ZFHX3: variants seen among roughly 807,000 people sequenced by gnomAD.
The protein encoded by ZFHX3 is zinc finger homeobox 3, also known as zinc finger homeobox protein 3.
In ZFHX3, 42 loss-of-function variants were observed where a neutral mutation model predicts 279.1. The observed-to-expected ratio is 0.15, with a 90% CI of 0.12 to 0.19. ZFHX3 has a LOEUF of 0.19. Ranked by LOEUF, ZFHX3 falls within the 10% of genes least tolerant of loss-of-function variation. The probability of loss-of-function intolerance (pLI) is 1.00; values close to 1 mark genes in which losing one functional copy is unlikely to be tolerated. For synonymous variants in ZFHX3, 2,293 were observed against 1,957.8 expected (o/e 1.17, Z -4.52); for missense variants, 4,981 against 4,754.0 (o/e 1.05, Z -1.40).
At chr16:73,452,815 T>C (rs1401353233) in intron 3 of ZFHX3, among the ~76,000 whole-genome samples, 2 of 152,222 alleles carry the variant, frequency 1.3e-5, no homozygotes, top group African/African-American at 4.8e-5. Flanking sequence ...GTACTGAAGT[T>C]ATTACAAAGT....
rs1268477918 is a variant in ZFHX3, at chr16:72,855,340, T to A, written c.3449-25481A>T. Among the ~76,000 whole-genome samples, 4 of 152,312 alleles carry A rather than the reference T, an allele frequency of 2.6e-5. No individual in the cohort carries two copies. The East Asian group carries it at 7.7e-4, about 29-fold the overall frequency. On this transcript the variant is annotated intron_variant, in intron 4 of 9. Transcript: ENST00000268489. ...GCGTGCACGCGTGTGAAACAGTGTG[T>A]GTGTGAGAGCATGAGTGAATGCATT...
chr16:73,019,451 T>C (rs1327093497), intron 1 of ZFHX3, among the ~76,000 whole-genome samples: 1 of 152,134 alleles, frequency 6.6e-6, no homozygotes, highest in Non-Finnish European at 1.5e-5. Flanking sequence ...TTCCACCAAG[T>C]GTGAACACAC....
intron 2 of ZFHX3, among the ~76,000 whole-genome samples, chr16:73,674,493 T>C (rs9936066): frequency 3.9e-5 from 6 of 152,300 alleles, no homozygotes; most frequent in African/African-American, 1.4e-4. Context: ...CAGTCAAGAA[T>C]AGACAACACT....
chr16:73,400,695 A>C (rs1405928466), intron 3 of ZFHX3: 2 of 151,572 alleles, frequency 1.3e-5, no homozygotes, highest in Non-Finnish European at 2.9e-5. Flanking sequence ...GATAGAAAAA[A>C]ACAAACAAAC....
intron 7 of ZFHX3, among the ~76,000 whole-genome samples, chr16:73,119,684 T>G (rs1966473714): frequency 6.6e-6 from 1 of 152,168 alleles, no homozygotes; most frequent in African/African-American, 2.4e-5. Flanking sequence ...ACTTCATGTA[T>G]TTTATTTTAC....
chr16:73,104,148 C>T (rs1486523675), intron 7 of ZFHX3, among the ~76,000 whole-genome samples: 5 of 152,188 alleles, frequency 3.3e-5, no homozygotes, highest in African/African-American at 1.2e-4. Flanking sequence ...GAGGCCATAG[C>T]CACAATCATC....
rs576901877 is a variant in ZFHX3, at chr16:73,736,343, A to G, written c.-1607-56103T>C. 2.6e-5 allele frequency among the ~76,000 whole-genome samples: 4 copies of G among 152,268 alleles called. No homozygotes were observed. In the South Asian group the frequency reaches 8.3e-4, roughly 32 times the overall value. On this transcript the variant is annotated intron_variant, in intron 1 of 17. Coordinates refer to the ZFHX3 transcript ENST00000641206. Reference sequence around the variant, plus strand: ...AAACTTCCAGCTCCCACAATCATGGAAGGTCTACTCTCTGCAACAAATCCG... The same window carrying G: ...AAACTTCCAGCTCCCACAATCATGGGAGGTCTACTCTCTGCAACAAATCCG...
intron 1 of ZFHX3, among the ~76,000 whole-genome samples, chr16:72,969,620 A>T (rs1198187183): frequency 1.3e-5 from 2 of 151,832 alleles, no homozygotes; most frequent in Non-Finnish European, 2.9e-5. Context: ...CCCCTCACTA[A>T]CCCCACCTCC....
intron 4 of ZFHX3, among the ~76,000 whole-genome samples, chr16:73,299,129 T>C (rs897041615): frequency 5.9e-5 from 9 of 152,080 alleles, no homozygotes; most frequent in Admixed American, 4.6e-4. Flanking sequence ...GCCCCTAGAG[T>C]CACATACAGC....
chr16:73,636,621 C>T (rs771922819), intron 2 of ZFHX3, among the ~76,000 whole-genome samples: 5 of 151,816 alleles, frequency 3.3e-5, no homozygotes, highest in Non-Finnish European at 7.4e-5. Flanking sequence ...TTAGCAATAA[C>T]CAGTTCAAAA....
At chr16:73,491,139 T>G (rs1369260823) in intron 2 of ZFHX3, among the ~76,000 whole-genome samples, 4 of 152,214 alleles carry the variant, frequency 2.6e-5, no homozygotes, top group African/African-American at 9.6e-5. Flanking sequence ...AATAAACCCC[T>G]AAATCTCAGT....
chr16:72,818,330 T>G (rs1479068444), intron 5 of ZFHX3, among the ~76,000 whole-genome samples: 1 of 152,182 alleles, frequency 6.6e-6, no homozygotes. Context: ...TGATCTGACT[T>G]TCATTGAAAG....
chr16:73,343,606 A>G (rs2016074729), intron 3 of ZFHX3, among the ~76,000 whole-genome samples: 1 of 152,098 alleles, frequency 6.6e-6, no homozygotes, highest in South Asian at 2.1e-4. Context: ...CCTATCTGTA[A>G]TCTTGGCTAC....
In ZFHX3 at chr16:73,481,627, GTTGT is replaced by G. The variant is rs752232126; in HGVS notation, c.-1546-25373_-1546-25370del. On this transcript the variant is annotated intron_variant, in intron 2 of 17. Coordinates refer to the ZFHX3 transcript ENST00000641206. The stretch of plus-strand genomic sequence containing the variant: ...ATGTGCGTGGTGTTGTTTTTTTGTT[GTTGT>G]TTGTTTGTTTGTTTGTTTTTGTTTG... Among the ~76,000 whole-genome samples, 605 of 148,114 alleles carry G rather than the reference GTTGT, an allele frequency of 4.1e-3. 2 individuals carry two copies. Among genetic ancestry groups the G allele is most frequent in the African/African-American group, 0.012 (480 of 39,068 alleles).
At chr16:72,832,882 C>A (rs922335286) in intron 4 of ZFHX3, among the ~76,000 whole-genome samples, 2 of 152,240 alleles carry the variant, frequency 1.3e-5, no homozygotes, top group Non-Finnish European at 2.9e-5. Context: ...CATTCATAAG[C>A]AGTTACACCA....
intron 5 of ZFHX3, among the ~76,000 whole-genome samples, chr16:73,203,983 AC>A (rs1330221820): frequency 6.6e-6 from 1 of 152,160 alleles, no homozygotes; most frequent in African/African-American, 2.4e-5. Flanking sequence ...AGCCAAAATT[AC>A]TTTGAACTCT....
chr16:73,108,856 C>T (rs373759390), intron 7 of ZFHX3, among the ~76,000 whole-genome samples: 1 of 152,384 alleles, frequency 6.6e-6, no homozygotes, highest in South Asian at 2.1e-4. Flanking sequence ...AGTAATGACC[C>T]TGCCTGCCCT....
At chr16:73,327,205 T>C (rs2015707812) in intron 3 of ZFHX3, among the ~76,000 whole-genome samples, 1 of 152,242 alleles carries the variant, frequency 6.6e-6, no homozygotes, top group African/African-American at 2.4e-5. Context: ...GTGTATGCTC[T>C]ACATTCCTCT....
chr16:73,302,764 C>A (rs1052513333), intron 4 of ZFHX3, among the ~76,000 whole-genome samples: 3 of 152,188 alleles, frequency 2.0e-5, no homozygotes, highest in African/African-American at 7.2e-5. Context: ...ACCATCTGAG[C>A]AGTGGCATTC....
Sources: gnomAD v4.1 joint callset for allele counts (sites outside exome capture counted in the v4.1 genomes callset) on GRCh38, gnomAD v4.1.1 for gene constraint, MANE v1.5 for transcripts, NCBI Gene and HGNC (gene_info 2026-07-23, HGNC 2026-07-21) for gene names.